Variants in HSPA4L observed in about 807,000 individuals in gnomAD.
The protein encoded by HSPA4L is heat shock protein family A (Hsp70) member 4 like.
Under a neutral mutation model 100.3 loss-of-function variants are expected in HSPA4L, and 48 were observed. The observed-to-expected ratio is 0.48, with a 90% CI of 0.38 to 0.61. The LOEUF (loss-of-function observed/expected upper bound fraction) is 0.61. HSPA4L is among the 20% of genes least tolerant of loss of function. HSPA4L has a pLI of 0.00. For missense variants in HSPA4L, 886 were observed against 988.6 expected (o/e 0.90, Z 1.39); for synonymous variants, 319 against 328.2 (o/e 0.97, Z 0.30).
chr4:127,798,795 C>A, intron 4 of HSPA4L, 86 bp downstream of exon 4: 1 of 1,283,534 alleles, frequency 7.8e-7, no homozygotes, highest in Non-Finnish European at 1.1e-6. Context: ...TTCCCTTACA[C>A]TTTCTGCCCT....
chr4:127,782,167 C>G (rs1732570822), upstream of HSPA4L: 1 of 432,642 alleles, frequency 2.3e-6, no homozygotes, highest in South Asian at 1.7e-5. Flanking sequence ...GAACCCGCAG[C>G]TTCTTGGGCA....
Position 127,837,554 on chromosome 4 carries a change from T to C in HSPA4L, c.*4680T>C, listed in dbSNP as rs929135347. ...AAACTAATCTTTGTAAAGCAGTCAGTTTCAGAAGATACTTTTTATCAAAAA... is the reference window on the plus strand; with the variant it reads ...AAACTAATCTTTGTAAAGCAGTCAGCTTCAGAAGATACTTTTTATCAAAAA... On this transcript the variant is annotated 3_prime_UTR_variant, in exon 19 of 19. Coordinates refer to ENST00000296464, the MANE Select transcript of HSPA4L (RefSeq NM_014278.4). The C allele has an allele frequency of 6.6e-6, 1 of 152,222 alleles. No homozygotes were observed. The highest frequency in any genetic ancestry group is 1.9e-4 in the East Asian group (1 of 5,192). 9.4% of individuals were successfully genotyped at this position (152,222 alleles called of 1,614,324 possible). A position where few individuals can be genotyped will look rare whatever the true frequency, so the allele number is the denominator to read the frequency against.
chr4:127,785,366 C>T (rs932484947), intron 1 of HSPA4L, among the ~76,000 whole-genome samples: 1 of 152,034 alleles, frequency 6.6e-6, no homozygotes, highest in African/African-American at 2.4e-5. Flanking sequence ...TTTAATTCCT[C>T]CAGATGGTTT....
chr4:127,784,157 C>T (rs982461124), intron 1 of HSPA4L, among the ~76,000 whole-genome samples: 15 of 152,256 alleles, frequency 9.9e-5, no homozygotes. Context: ...CACTCTCCAC[C>T]TTCAGCAGAG....
chr4:127,834,307 A>G lies in HSPA4L; in HGVS notation c.*1433A>G, dbSNP rs1404378693. 1 of 152,212 alleles carries G rather than the reference A, an allele frequency of 6.6e-6. No homozygotes were observed. Among genetic ancestry groups the G allele is most frequent in the African/African-American group, 2.4e-5 (1 of 41,458 alleles). 9.4% of individuals were successfully genotyped at this position (152,212 alleles called of 1,614,324 possible). A position where few individuals can be genotyped will look rare whatever the true frequency, so the allele number is the denominator to read the frequency against. On this transcript the variant is annotated 3_prime_UTR_variant, in exon 19 of 19. Transcript: ENST00000296464. ...CATTTTCTCCCAAAGCTAAATCTTT[A>G]TATTAGGAACAATTAAATATTGACT...
At chr4:127,784,119 G>C (rs1578683934) in intron 1 of HSPA4L, among the ~76,000 whole-genome samples, 1 of 152,250 alleles carries the variant, frequency 6.6e-6, no homozygotes, top group African/African-American at 2.4e-5. Flanking sequence ...ACAAATACTG[G>C]CTTTCGCCAG....
intron 1 of HSPA4L, among the ~76,000 whole-genome samples, chr4:127,793,571 A>G (rs1312944943): frequency 3.9e-5 from 6 of 152,216 alleles, no homozygotes; most frequent in African/African-American, 1.4e-4. Flanking sequence ...GAATTTACAT[A>G]ATGTTTACTA....
chr4:127,795,292 T>C (rs936687212), intron 2 of HSPA4L, among the ~76,000 whole-genome samples: 2 of 152,192 alleles, frequency 1.3e-5, no homozygotes, highest in African/African-American at 4.8e-5. Flanking sequence ...ATGATACAGG[T>C]TGACCATCCC....
In HSPA4L at chr4:127,826,978, T is replaced by C. The variant is rs142707734; in HGVS notation, c.2047-327T>C. Among the ~76,000 whole-genome samples the C allele has an allele frequency of 5.3e-5, 8 of 152,274 alleles. No homozygotes were observed. In the East Asian group the frequency reaches 1.5e-3, roughly 29 times the overall value. On this transcript the variant is annotated intron_variant, in intron 16 of 18. Transcript: ENST00000296464. ...TCAAATCTACAAATTCTGCATGCAG[T>C]ATAGTTTTTACAGTTTTCTTATTTT...
At chr4:127,825,532 T>C (rs902940239) in intron 16 of HSPA4L, among the ~76,000 whole-genome samples, 1 of 152,112 alleles carries the variant, frequency 6.6e-6, no homozygotes, top group Non-Finnish European at 1.5e-5. Flanking sequence ...TGCCAACAAA[T>C]ACTTCCAAAG....
At chr4:127,826,637 G>C (rs1181840539) in intron 16 of HSPA4L, among the ~76,000 whole-genome samples, 2 of 152,144 alleles carry the variant, frequency 1.3e-5, no homozygotes, top group Admixed American at 6.5e-5. Flanking sequence ...CTTGCTCTCT[G>C]TATAATTTCC....
At chr4:127,783,824 T>G in intron 1 of HSPA4L, 1 of 677,840 alleles carries the variant, frequency 1.5e-6, no homozygotes, top group Non-Finnish European at 2.4e-6. Context: ...AAAAAGATGT[T>G]GAAGAGTAGC....
chr4:127,784,087 C>T (rs1465849088), intron 1 of HSPA4L, among the ~76,000 whole-genome samples: 1 of 152,216 alleles, frequency 6.6e-6, no homozygotes, highest in African/African-American at 2.4e-5. Context: ...TTCGTCTCTA[C>T]AAGGTTTTAT....
At chr4:127,787,503 G>A (rs898126724) in intron 1 of HSPA4L, among the ~76,000 whole-genome samples, 2 of 152,118 alleles carry the variant, frequency 1.3e-5, no homozygotes, top group African/African-American at 4.8e-5. Context: ...ATACAAGTAT[G>A]TGATTATATG....
At chr4:127,814,458 T>A (rs1733620668) in intron 12 of HSPA4L, among the ~76,000 whole-genome samples, 1 of 152,194 alleles carries the variant, frequency 6.6e-6, no homozygotes, top group African/African-American at 2.4e-5. Context: ...ATCTTTTAAA[T>A]CCCTACTACA....
At chr4:127,821,715 C>T (rs1266191361) in intron 14 of HSPA4L, among the ~76,000 whole-genome samples, 8 of 152,064 alleles carry the variant, frequency 5.3e-5, no homozygotes, top group African/African-American at 1.4e-4. Context: ...TATCCACCCC[C>T]GCAAGGCTTT....
At chr4:127,816,931 T>C (rs376967836) in intron 12 of HSPA4L, among the ~76,000 whole-genome samples, 73 of 152,356 alleles carry the variant, frequency 4.8e-4, no homozygotes, top group Middle Eastern at 3.4e-3. Context: ...TGTGACCATT[T>C]AGCATTTTTT....
chr4:127,799,082 G>T (rs1447748465), intron 4 of HSPA4L, among the ~76,000 whole-genome samples: 1 of 152,106 alleles, frequency 6.6e-6, no homozygotes, highest in Non-Finnish European at 1.5e-5. Flanking sequence ...GGAAAAAAAA[G>T]ATCTTTAAGG....
At chr4:127,792,319 G>C (rs1470242063) in intron 1 of HSPA4L, among the ~76,000 whole-genome samples, 1 of 152,000 alleles carries the variant, frequency 6.6e-6, no homozygotes, top group African/African-American at 2.4e-5. Flanking sequence ...TTTCTCCCTG[G>C]CTGAGTCCAA....
Sources: gnomAD v4.1 joint callset for allele counts (sites outside exome capture counted in the v4.1 genomes callset) on GRCh38, gnomAD v4.1.1 for gene constraint, MANE v1.5 for transcripts, NCBI Gene and HGNC (gene_info 2026-07-23, HGNC 2026-07-21) for gene names.